Variants in CDH23 observed in about 807,000 individuals in gnomAD.
The protein encoded by CDH23 is cadherin-23.
CDH23 carries 189 observed loss-of-function variants against 317.1 expected under a neutral mutation model. The observed-to-expected ratio is 0.60, with a 90% confidence interval of 0.53 to 0.67. The LOEUF (loss-of-function observed/expected upper bound fraction) is 0.67, where lower values mean the gene tolerates loss of function less well. CDH23 is among the 30% of genes least tolerant of loss of function. The probability of loss-of-function intolerance (pLI) is 0.00; values close to 1 mark genes in which losing one functional copy is unlikely to be tolerated. For missense variants in CDH23, 4,401 were observed against 4,592.4 expected (o/e 0.96, Z 1.20); for synonymous variants, 1,839 against 1,876.8 (o/e 0.98, Z 0.52).
Position 71,477,018 on chromosome 10 carries a change from G to A in CDH23, c.145+30623G>A, listed in dbSNP as rs567459025. 4.6e-5 allele frequency among the ~76,000 whole-genome samples: 7 copies of A among 152,226 alleles called. No homozygotes were observed. In the East Asian group the frequency reaches 5.8e-4, roughly 13 times the overall value. On this transcript the variant is annotated intron_variant, in intron 3 of 69. Transcript: ENST00000224721. ...GATCTGTGCAGCATCCCACATGACC[G>A]ACCCCTAACTCTTCTCCATCTTCCT...
chr10:71,522,375 T>C (rs527634313), intron 6 of CDH23, among the ~76,000 whole-genome samples: 5 of 152,236 alleles, frequency 3.3e-5, no homozygotes, highest in African/African-American at 1.2e-4. Flanking sequence ...CTTTTGCCCA[T>C]TGTCATTTTA....
At chr10:71,584,630 A>T (rs368533782) in intron 9 of CDH23, among the ~76,000 whole-genome samples, 3 of 151,496 alleles carry the variant, frequency 2.0e-5, no homozygotes, top group Admixed American at 2.0e-4. Context: ...CACCCCCCAC[A>T]TATGCCAATA....
chr10:71,759,916 TATATACACACACAC>T (rs1564779330), intron 38 of CDH23, among the ~76,000 whole-genome samples: 7 of 31,782 alleles, frequency 2.2e-4, no homozygotes, highest in Admixed American at 6.2e-4. Context: ...CACACACACA[TATATACACACACAC>T]ATATATACAC....
At chr10:71,510,259 C>G in intron 4 of CDH23, 35 bp downstream of exon 4, 1 of 1,605,476 alleles carries the variant, frequency 6.2e-7, no homozygotes, top group South Asian at 1.1e-5. Flanking sequence ...CCAATTCTCT[C>G]CTGGGGACAG....
chr10:71,566,963 C>T (rs752042906), intron 7 of CDH23, 27 bp downstream of exon 7: 26 of 1,601,644 alleles, frequency 1.6e-5, no homozygotes, highest in African/African-American at 1.2e-4. Context: ...GGGCCCCGGC[C>T]GTCCCAGCTG....
chr10:71,559,262 T>C (rs1439996005), intron 6 of CDH23, among the ~76,000 whole-genome samples: 1 of 152,250 alleles, frequency 6.6e-6, no homozygotes, highest in African/African-American at 2.4e-5. Flanking sequence ...CCCTTGTGGA[T>C]TTGTGCATTT....
chr10:71,680,490 G>A (rs575249722), intron 17 of CDH23, among the ~76,000 whole-genome samples: 11 of 152,264 alleles, frequency 7.2e-5, no homozygotes, highest in East Asian at 5.8e-4. Flanking sequence ...GCTCACGTCT[G>A]TAATCCCAGC....
rs397517312 is a variant in CDH23 at position 71,682,452 on chromosome 10, C to T, written c.1866C>T (p.Ser622=). The change falls in exon 18 of 70, where the codon AGC becomes AGT. Residue 622 remains serine, a synonymous_variant. Transcript: ENST00000224721. The part of the protein sequence containing the change: ...ISLYEGYGVI[S]VSRPLDYEQI... Reference sequence around the variant, plus strand: ...CTGTTCCTGTCATTGCAGTGATCAGCGTCAGTCGCCCCCTGGATTATGAAC... The same window carrying T: ...CTGTTCCTGTCATTGCAGTGATCAGTGTCAGTCGCCCCCTGGATTATGAAC... 1.4e-5 allele frequency: 23 copies of T among 1,611,484 alleles called. No homozygotes were observed. The highest frequency in any genetic ancestry group is 6.7e-5 in the Admixed American group (4 of 59,700).
intron 30 of CDH23, among the ~76,000 whole-genome samples, chr10:71,729,319 G>C (rs1325828578): frequency 2.6e-5 from 4 of 152,226 alleles, no homozygotes; most frequent in African/African-American, 9.7e-5. Flanking sequence ...AAAGTAATGT[G>C]TAAGAAGCGC....
Position 71,751,303 on chromosome 10 carries a change from G to C in CDH23, c.4845+9382G>C. ...TCAGGGACAGGGTCTGCAAGAAAAG[G>C]AGAAGCAAAGTGAACGGGGCCCCTC... is the stretch of plus-strand genomic sequence containing the variant. On this transcript the variant is annotated intron_variant, in intron 38 of 69. Coordinates refer to ENST00000224721, the MANE Select transcript of CDH23 (RefSeq NM_022124.6). This position sits in a 1 kb window ranked among gnomAD's most constrained non-coding sequence, Gnocchi z 4.9. The C allele has an allele frequency of 6.2e-7, 1 of 1,609,300 alleles. No individual in the cohort carries two copies. Among genetic ancestry groups the C allele is most frequent in the Middle Eastern group, 1.7e-4 (1 of 6,018 alleles).
chr10:71,805,874 G>A lies in CDH23; in HGVS notation c.7941G>A (p.Ala2647=), dbSNP rs1589433532. The change falls in exon 56 of 70, where the codon GCG becomes GCA. Residue 2647 remains alanine, a synonymous_variant. Coordinates refer to ENST00000224721, the MANE Select transcript of CDH23 (RefSeq NM_022124.6). Reference sequence around the variant, plus strand: ...ACAAGGATGAGGGCCTCAACGGGGCGGTGCGCTACAGCTTCCTGAAGACTG... The same window carrying A: ...ACAAGGATGAGGGCCTCAACGGGGCAGTGCGCTACAGCTTCCTGAAGACTG... The part of the protein sequence containing the change: ...ATDKDEGLNG[A]VRYSFLKTAG... 1.9e-6 allele frequency: 3 copies of A among 1,613,864 alleles called. No homozygotes were observed. Among genetic ancestry groups the A allele is most frequent in the East Asian group, 2.2e-5 (1 of 44,880 alleles).
In CDH23 at chr10:71,751,619, G is replaced by A. The variant is rs751948153; in HGVS notation, c.4845+9698G>A. On this transcript the variant is annotated intron_variant, in intron 38 of 69. Coordinates refer to ENST00000224721, the MANE Select transcript of CDH23 (RefSeq NM_022124.6). This position sits in a 1 kb window ranked among gnomAD's most constrained non-coding sequence, Gnocchi z 4.9. ...GAGGCCGATGCCCTGCAGGCCATGA[G>A]GTCATGACCTTACAGGTCATCGTGC... The A allele has an allele frequency of 4.0e-6, 6 of 1,490,826 alleles. No individual in the cohort carries two copies. The highest frequency in any genetic ancestry group is 4.5e-6 in the Non-Finnish European group (5 of 1,113,608). 92.3% of individuals were successfully genotyped at this position (1,490,826 alleles called of 1,614,324 possible). A position where few individuals can be genotyped will look rare whatever the true frequency, so the allele number is the denominator to read the frequency against.
At chr10:71,503,379 T>G (rs1853446314) in intron 3 of CDH23, among the ~76,000 whole-genome samples, 1 of 152,236 alleles carries the variant, frequency 6.6e-6, no homozygotes, top group Non-Finnish European at 1.5e-5. Flanking sequence ...CTTTCCCCTG[T>G]CCATTTGTGC....
chr10:71,519,113 T>C (rs1854508535), intron 6 of CDH23, among the ~76,000 whole-genome samples: 1 of 152,224 alleles, frequency 6.6e-6, no homozygotes, highest in African/African-American at 2.4e-5. Context: ...TGGGGGCCCA[T>C]ATAATTCTAT....
chr10:71,738,381 G>C, intron 34 of CDH23, 117 bp from the exon 35 acceptor site: 1 of 1,206,284 alleles, frequency 8.3e-7, no homozygotes, highest in Non-Finnish European at 1.2e-6. Context: ...CTGAGGGTTT[G>C]CTGATGTTCC....
chr10:71,759,920 T>C lies in CDH23; in HGVS notation c.4846-17760T>C, dbSNP rs1339530133. On this transcript the variant is annotated intron_variant, in intron 38 of 69. Transcript: ENST00000224721. ...ACACATATATACACACACACATATA[T>C]ACACACACACATATATACACACACA... Among the ~76,000 whole-genome samples the C allele has an allele frequency of 3.0e-3, 200 of 66,132 alleles. 11 individuals are homozygous for C. Among genetic ancestry groups the C allele is most frequent in the Non-Finnish European group, 4.1e-3 (112 of 27,492 alleles). The allele number at this position is 66,132 out of a possible 152,430, so 43.4% of individuals were successfully genotyped here. A position where few individuals can be genotyped will look rare whatever the true frequency, so the allele number is the denominator to read the frequency against.
At chr10:71,628,385 T>C (rs1259630006) in intron 11 of CDH23, among the ~76,000 whole-genome samples, 1 of 152,204 alleles carries the variant, frequency 6.6e-6, no homozygotes, top group Non-Finnish European at 1.5e-5. Context: ...AAGCAAAGTG[T>C]CACAGTTGTG....
chr10:71,414,047 T>TTGTGTGTGTGTGTG lies in CDH23; in HGVS notation c.-6+16753_-6+16766dup, dbSNP rs34017042. On this transcript the variant is annotated intron_variant, in intron 1 of 69. Transcript: ENST00000224721. ...TGCTGAATTTATTAGCTCCTGGGTT[T>TTGTGTGTGTGTGTG]TGTGTGTGTGTGTGTGTGTGTGTGT... is the stretch of plus-strand genomic sequence containing the variant. Among the ~76,000 whole-genome samples the TTGTGTGTGTGTGTG allele has an allele frequency of 4.2e-3, 602 of 142,972 alleles. 7 individuals carry two copies. The highest frequency in any genetic ancestry group is 0.015 in the African/African-American group (572 of 38,200). The allele number at this position is 142,972 out of a possible 152,430, so 93.8% of individuals were successfully genotyped here. A position where few individuals can be genotyped will look rare whatever the true frequency, so the allele number is the denominator to read the frequency against.
intron 28 of CDH23, among the ~76,000 whole-genome samples, chr10:71,721,300 G>T (rs1382913097): frequency 1.3e-5 from 2 of 152,170 alleles, no homozygotes; most frequent in African/African-American, 2.4e-5. Flanking sequence ...AGAAAGAACT[G>T]CACGGCAAGG....
Sources: gnomAD v4.1 joint callset for allele counts (sites outside exome capture counted in the v4.1 genomes callset) on GRCh38, gnomAD v4.1.1 for gene constraint, Gnocchi (gnomAD v3.1) non-coding constraint, MANE v1.5 for transcripts, NCBI Gene and HGNC (gene_info 2026-07-23, HGNC 2026-07-21) for gene names.